Variants in EIF3J observed in about 807,000 individuals in gnomAD.
EIF3J encodes the protein eukaryotic translation initiation factor 3, subunit 1 (alpha, 35kD).
EIF3J carries 15 observed loss-of-function variants against 39.0 expected under a neutral mutation model. That is an observed-to-expected ratio of 0.38 (90% CI 0.26 to 0.59). The LOEUF (loss-of-function observed/expected upper bound fraction) is 0.59, where lower values mean the gene tolerates loss of function less well. EIF3J is among the 20% of genes least tolerant of loss of function. The pLI, the probability that EIF3J is intolerant of heterozygous loss-of-function variation, is 0.60. For synonymous variants in EIF3J, 98 were observed against 112.9 expected (o/e 0.87, Z 0.84); for missense variants, 226 against 308.6 (o/e 0.73, Z 2.00).
intron 4 of EIF3J, among the ~76,000 whole-genome samples, chr15:44,553,724 A>G (rs2082120482): frequency 1.3e-5 from 2 of 152,060 alleles, no homozygotes; most frequent in South Asian, 4.1e-4. Context: ...ATTTGAAATT[A>G]TGAATAATAC....
At position 44,562,542 on chromosome 15, in the gene EIF3J, A is replaced by ACG. The variant is rs2082213287; in HGVS notation, c.*1393_*1394insCG. 6.5e-6 allele frequency: 1 copy of ACG among 153,212 alleles called. No homozygotes were observed. Among genetic ancestry groups the ACG allele is most frequent in the Non-Finnish European group, 1.5e-5 (1 of 68,474 alleles). 9.5% of individuals were successfully genotyped at this position (153,212 alleles called of 1,614,324 possible). A position where few individuals can be genotyped will look rare whatever the true frequency, so the allele number is the denominator to read the frequency against. On this transcript the variant is annotated 3_prime_UTR_variant, in exon 8 of 8. Transcript: ENST00000261868. ...AATAATAGGAACGTCAAAGCTCTGT[A>ACG]TACCTACTAAGTGGAAAACAAGACC...
chr15:44,541,496 A>G (rs769023308), intron 2 of EIF3J, among the ~76,000 whole-genome samples: 1 of 152,196 alleles, frequency 6.6e-6, no homozygotes, highest in Non-Finnish European at 1.5e-5. Context: ...TGGGCAACAT[A>G]GCAAGACCCC....
At chr15:44,560,744 T>G (rs905934116) in intron 7 of EIF3J, among the ~76,000 whole-genome samples, 8 of 152,168 alleles carry the variant, frequency 5.3e-5, no homozygotes, top group African/African-American at 1.9e-4. Flanking sequence ...TTTTCTAAAT[T>G]TGCTTCAGTG....
intron 2 of EIF3J, among the ~76,000 whole-genome samples, chr15:44,549,866 A>G (rs2082084759): frequency 6.6e-6 from 1 of 150,760 alleles, no homozygotes; most frequent in Non-Finnish European, 1.5e-5. Flanking sequence ...AGGCTGAGGC[A>G]GGAGAATCGC....
At chr15:44,560,157 TA>T in intron 6 of EIF3J, 91 bp from the exon 7 acceptor site, 1 of 941,976 alleles carries the variant, frequency 1.1e-6, no homozygotes, top group Non-Finnish European at 1.6e-6. Context: ...CATTTTGGGA[TA>T]TATAGATATA....
chr15:44,553,022 C>CA (rs1286667889), intron 4 of EIF3J, among the ~76,000 whole-genome samples: 2 of 151,272 alleles, frequency 1.3e-5, no homozygotes, highest in African/African-American at 4.9e-5. Flanking sequence ...CCCGTCTCTA[C>CA]AAAAAATAGA....
chr15:44,561,956 T>A lies in EIF3J; in HGVS notation c.*807T>A, dbSNP rs2082201925. On this transcript the variant is annotated 3_prime_UTR_variant, in exon 8 of 8. Coordinates refer to ENST00000261868, the MANE Select transcript of EIF3J (RefSeq NM_003758.4). ...CCAGGGTTTTGGCATTTCCTTTCCT[T>A]TCCTTTATAAAACATGCTCAGCAAA... The A allele has an allele frequency of 6.6e-6, 1 of 152,654 alleles. No homozygotes were observed. The highest frequency in any genetic ancestry group is 6.5e-5 in the Admixed American group (1 of 15,284). 9.5% of individuals were successfully genotyped at this position (152,654 alleles called of 1,614,324 possible). A position where few individuals can be genotyped will look rare whatever the true frequency, so the allele number is the denominator to read the frequency against.
chr15:44,560,386 A>G (rs1416451352), intron 7 of EIF3J, 64 bp downstream of exon 7: 1 of 1,448,024 alleles, frequency 6.9e-7, no homozygotes, highest in Admixed American at 2.0e-5. Context: ...TCTAACAGTC[A>G]ACAAATATAA....
At chr15:44,560,422 A>G in intron 7 of EIF3J, 100 bp downstream of exon 7, 2 of 1,129,404 alleles carry the variant, frequency 1.8e-6, no homozygotes, top group Non-Finnish European at 2.5e-6. Context: ...ATTAAAAGTC[A>G]AGCAACTCAC....
chr15:44,557,467 C>T (rs1366414025), intron 5 of EIF3J, 22 bp from the exon 6 acceptor site: 3 of 1,486,210 alleles, frequency 2.0e-6, no homozygotes, highest in East Asian at 2.6e-5. Flanking sequence ...TGATACTTTT[C>T]AGTGCTTCTT....
At chr15:44,551,397 A>G in intron 3 of EIF3J, 34 bp from the exon 4 acceptor site, 2 of 1,367,854 alleles carry the variant, frequency 1.5e-6, no homozygotes, top group Non-Finnish European at 2.0e-6. Flanking sequence ...GAAAATACTC[A>G]GTATAACTGA....
rs1248291051 is a variant in EIF3J at position 44,562,229 on chromosome 15, C to CTTATG, written c.*1083_*1087dup. 5.9e-5 allele frequency: 9 copies of CTTATG among 152,674 alleles called. No homozygotes were observed. In the East Asian group the frequency reaches 1.7e-3, roughly 29 times the overall value. The allele number at this position is 152,674 out of a possible 1,614,324, so 9.5% of individuals were successfully genotyped here. ...TAAAACATGAGTGATTTGCCAGGTC[C>CTTATG]TTATGTTGTCACCATAGAGCAACAA... On this transcript the variant is annotated 3_prime_UTR_variant, in exon 8 of 8. Coordinates refer to ENST00000261868, the MANE Select transcript of EIF3J (RefSeq NM_003758.4).
rs918680612 is a variant in EIF3J at position 44,561,790 on chromosome 15, C to CAAAG, written c.*643_*646dup. On this transcript the variant is annotated 3_prime_UTR_variant, in exon 8 of 8. Transcript: ENST00000261868. ...TACATGTTGTGGAATCTCTCGAGTG[C>CAAAG]AAAGACTGTCTAGTTATTTATCAGG... 4.6e-5 allele frequency: 7 copies of CAAAG among 152,578 alleles called. No individual in the cohort carries two copies. The highest frequency in any genetic ancestry group is 7.3e-5 in the Non-Finnish European group (5 of 68,046). The allele number at this position is 152,578 out of a possible 1,614,324, so 9.5% of individuals were successfully genotyped here.
rs764595247 is a variant in EIF3J, at chr15:44,557,535, A to G, written c.456A>G (p.Ser152=). The part of the protein sequence containing the change: ...VYGIDAMNPS[S]RDDFTEFGKL... The stretch of plus-strand genomic sequence containing the variant: ...GAATAGATGCTATGAACCCATCTTC[A>G]AGAGATGACTTTACAGAGTTTGGAA... The change falls in exon 6 of 8, where the codon TCA becomes TCG. Residue 152 remains serine (S), a synonymous_variant. Coordinates refer to ENST00000261868, the MANE Select transcript of EIF3J (RefSeq NM_003758.4). 25 of 1,560,940 alleles carry G rather than the reference A, an allele frequency of 1.6e-5. No individual in the cohort carries two copies.
At chr15:44,538,778 C>T (rs1271490535) in intron 2 of EIF3J, among the ~76,000 whole-genome samples, 1 of 152,214 alleles carries the variant, frequency 6.6e-6, no homozygotes, top group Non-Finnish European at 1.5e-5. Flanking sequence ...TACATTGTAG[C>T]AGATTTTCAG....
intron 2 of EIF3J, among the ~76,000 whole-genome samples, chr15:44,549,148 C>T (rs941750043): frequency 6.6e-6 from 1 of 152,102 alleles, no homozygotes; most frequent in East Asian, 1.9e-4. Context: ...ACTCCCAGCA[C>T]TTCGGGAGGC....
At chr15:44,560,201 A>C in intron 6 of EIF3J, 48 bp from the exon 7 acceptor site, 1 of 1,539,034 alleles carries the variant, frequency 6.5e-7, no homozygotes. Context: ...TTAACTTTTC[A>C]AAATGCTTAA....
intron 2 of EIF3J, among the ~76,000 whole-genome samples, chr15:44,545,552 A>G (rs992055944): frequency 6.6e-6 from 1 of 152,258 alleles, no homozygotes; most frequent in African/African-American, 2.4e-5. Flanking sequence ...TCAAATGTTT[A>G]GTTATTTAAA....
chr15:44,561,929 T>C lies in EIF3J; in HGVS notation c.*780T>C, dbSNP rs1051389113. 2.0e-5 allele frequency: 3 copies of C among 152,608 alleles called. No individual in the cohort carries two copies. The highest frequency in any genetic ancestry group is 7.2e-5 in the African/African-American group (3 of 41,424). The allele number at this position is 152,608 out of a possible 1,614,324, so 9.5% of individuals were successfully genotyped here. ...CTCTTAGGCTGCAATGGAACAACTT[T>C]ACCAGGGTTTTGGCATTTCCTTTCC... is the stretch of plus-strand genomic sequence containing the variant. On this transcript the variant is annotated 3_prime_UTR_variant, in exon 8 of 8. Transcript: ENST00000261868.
Sources: allele counts gnomAD v4.1 joint callset (sites outside exome capture counted in the v4.1 genomes callset), GRCh38; gene constraint gnomAD v4.1.1; transcripts MANE v1.5; gene names NCBI Gene and HGNC (gene_info 2026-07-23, HGNC 2026-07-21).